The following LYRM4 variants were observed in gnomAD, a reference collection of about 807,000 sequenced individuals.
LYRM4 encodes LYR motif-containing protein 4.
Under a neutral mutation model 11.7 loss-of-function variants are expected in LYRM4, and 9 were observed. That is an observed-to-expected ratio of 0.77 (90% CI 0.46 to 1.34). LYRM4 has a LOEUF of 1.34. Ranked by LOEUF, LYRM4 falls within the 40% of genes most tolerant of loss-of-function variation. The pLI is 0.00. For missense variants in LYRM4, 133 were observed against 112.5 expected (o/e 1.18, Z -0.82); for synonymous variants, 42 against 40.4 (o/e 1.04, Z -0.15).
rs566783985 is a variant in LYRM4 at position 5,201,489 on chromosome 6, G to A, written c.207+15129C>T. On this transcript the variant is annotated intron_variant, in intron 2 of 2. Transcript: ENST00000330636. ...TTCTTTGGGTGAATCAGTTCACCGA[G>A]CTGGCTAAATCCTCTTTTCAGCCTT... Among the ~76,000 whole-genome samples, 3 of 152,344 alleles carry A rather than the reference G, an allele frequency of 2.0e-5. No homozygotes were observed. The South Asian group carries it at 6.2e-4, about 32-fold the overall frequency.
intron 2 of LYRM4, among the ~76,000 whole-genome samples, chr6:5,120,323 G>C (rs556393454): frequency 6.6e-6 from 1 of 152,158 alleles, no homozygotes; most frequent in Non-Finnish European, 1.5e-5. Flanking sequence ...CACATGTTAA[G>C]GCAGAGGTTC....
At chr6:5,230,070 T>C (rs186533880) in intron 1 of LYRM4, among the ~76,000 whole-genome samples, 24 of 152,358 alleles carry the variant, frequency 1.6e-4, no homozygotes, top group African/African-American at 5.0e-4. Flanking sequence ...CGTGTTTAGC[T>C]TGTCTGCAGT....
the LYRM4 span, chr6:5,085,838 A>C: frequency 0.027 from 41,602 of 1,528,148 alleles, 2,883 homozygotes; most frequent in African/African-American, 0.26. Flanking sequence ...GAGGACGCAC[A>C]GCTCGGCCCG....
At chr6:5,032,837 AAC>A in the LYRM4 span, 1 of 152,208 alleles carries the variant, frequency 6.6e-6, no homozygotes, top group African/African-American at 2.4e-5. Context: ...ATGCTTTCAG[AAC>A]AGTCACCCCG....
chr6:5,179,467 CT>C (rs1759945819), intron 2 of LYRM4, among the ~76,000 whole-genome samples: 1 of 152,190 alleles, frequency 6.6e-6, no homozygotes, highest in South Asian at 2.1e-4. Flanking sequence ...CACCATTCTA[CT>C]TTCTATCTCT....
intron 2 of LYRM4, among the ~76,000 whole-genome samples, chr6:5,177,497 T>A (rs1759789208): frequency 6.6e-6 from 1 of 152,224 alleles, no homozygotes; most frequent in Non-Finnish European, 1.5e-5. Context: ...GTCAACACAA[T>A]GATCATTCAG....
chr6:5,181,270 C>G (rs1222208501), intron 2 of LYRM4, among the ~76,000 whole-genome samples: 1 of 152,132 alleles, frequency 6.6e-6, no homozygotes, highest in Non-Finnish European at 1.5e-5. Context: ...CTGCATAGCT[C>G]TCATTTGTCC....
intron 1 of LYRM4, among the ~76,000 whole-genome samples, chr6:5,225,204 C>A (rs950873397): frequency 6.7e-6 from 1 of 148,458 alleles, no homozygotes; most frequent in Non-Finnish European, 1.5e-5. Flanking sequence ...GCCAAGATTG[C>A]GCCACTGCGC....
At chr6:5,240,173 T>C (rs937545232) in intron 1 of LYRM4, among the ~76,000 whole-genome samples, 1 of 152,110 alleles carries the variant, frequency 6.6e-6, no homozygotes, top group Non-Finnish European at 1.5e-5. Flanking sequence ...TTACAGTACA[T>C]CCAACCTTTC....
At chr6:5,167,407 C>T (rs1186697160) in intron 2 of LYRM4, among the ~76,000 whole-genome samples, 2 of 152,214 alleles carry the variant, frequency 1.3e-5, no homozygotes, top group Non-Finnish European at 2.9e-5. Context: ...TCACTGCCTT[C>T]CCTCTTCGCC....
chr6:5,085,749 C>T, the LYRM4 span: 1 of 1,538,232 alleles, frequency 6.5e-7, no homozygotes, highest in African/African-American at 1.4e-5. Flanking sequence ...TTTCCTTGCC[C>T]GCCGACCCCA....
At chr6:5,086,094 C>T in the LYRM4 span, 1 of 1,469,468 alleles carries the variant, frequency 6.8e-7, no homozygotes, top group Admixed American at 2.4e-5. Flanking sequence ...TCTTCCAGCT[C>T]CCGGGGCCGA....
intron 2 of LYRM4, among the ~76,000 whole-genome samples, chr6:5,162,511 G>GAGAGAGAGAGAA (rs1554133081): frequency 0.011 from 1,663 of 146,762 alleles, 19 homozygotes; most frequent in African/African-American, 0.031. Context: ...GAGAGAGAGA[G>GAGAGAGAGAGAA]AGAGAGAGAG....
At chr6:5,095,898 T>G in the LYRM4 span, among the ~76,000 whole-genome samples, 1 of 152,220 alleles carries the variant, frequency 6.6e-6, no homozygotes, top group South Asian at 2.1e-4. Flanking sequence ...GAGAATCGCT[T>G]AAGCCCAGGA....
chr6:5,160,206 T>C (rs1052388428), intron 2 of LYRM4, among the ~76,000 whole-genome samples: 4 of 152,188 alleles, frequency 2.6e-5, no homozygotes, highest in Non-Finnish European at 5.9e-5. Flanking sequence ...CCTGGAGTAG[T>C]AGCAAACTGG....
At chr6:5,161,597 G>A (rs1758760147) in intron 2 of LYRM4, among the ~76,000 whole-genome samples, 1 of 152,218 alleles carries the variant, frequency 6.6e-6, no homozygotes, top group African/African-American at 2.4e-5. Flanking sequence ...GCAAAGGGCT[G>A]TATGAAATAT....
Position 5,260,909 on chromosome 6 carries a change from AGGCGTCCCGCGCCGCTTCGGGGGCG to A in LYRM4, c.-201_-177del. The A allele has an allele frequency of 7.3e-7, 1 of 1,376,388 alleles. No homozygotes were observed. The highest frequency in any genetic ancestry group is 2.7e-4 in the Middle Eastern group (1 of 3,688). 85.3% of individuals were successfully genotyped at this position (1,376,388 alleles called of 1,614,324 possible). A position where few individuals can be genotyped will look rare whatever the true frequency, so the allele number is the denominator to read the frequency against. ...AGCCCTGCGGATCGCGGACGGCGCCAGGCGTCCCGCGCCGCTTCGGGGGCGGGCGCAGGCAGGGCTCGGGGCAGCT... is the reference window on the plus strand; with the variant it reads ...AGCCCTGCGGATCGCGGACGGCGCCAGGCGCAGGCAGGGCTCGGGGCAGCT... On this transcript the variant is annotated 5_prime_UTR_variant, in exon 1 of 3. Coordinates refer to ENST00000330636, the MANE Select transcript of LYRM4 (RefSeq NM_020408.6).
chr6:5,048,396 C>G, the LYRM4 span, among the ~76,000 whole-genome samples: 2 of 151,236 alleles, frequency 1.3e-5, no homozygotes, highest in Non-Finnish European at 1.5e-5. Context: ...TTCACTGAAA[C>G]CTCCAATTCC....
intron 2 of LYRM4, among the ~76,000 whole-genome samples, chr6:5,202,236 G>A (rs1761431921): frequency 6.6e-6 from 1 of 152,244 alleles, no homozygotes; most frequent in Non-Finnish European, 1.5e-5. Context: ...CAGCATGTCT[G>A]AATTCACATA....
Sources: allele counts gnomAD v4.1 joint callset (sites outside exome capture counted in the v4.1 genomes callset), GRCh38; gene constraint gnomAD v4.1.1; transcripts MANE v1.5; gene names NCBI Gene and HGNC (gene_info 2026-07-23, HGNC 2026-07-21).